The following MYOM3 variants were observed in gnomAD, a reference collection of about 807,000 sequenced individuals.
MYOM3 encodes the protein myomesin-3.
A neutral mutation model predicts 191.7 loss-of-function variants in MYOM3; 155 were observed. The ratio of observed to expected loss-of-function variants is 0.81; its 90% CI spans 0.71 to 0.92. The LOEUF (loss-of-function observed/expected upper bound fraction) is 0.92. Ranked by LOEUF, MYOM3 falls within the 40% of genes least tolerant of loss-of-function variation. MYOM3 has a pLI of 0.00. For synonymous variants in MYOM3, 757 were observed against 762.9 expected, an observed-to-expected ratio of 0.99 and a Z score of 0.13; for missense variants, 1,889 against 1,890.6, an observed-to-expected ratio of 1.00 and a Z score of 0.02.
chr1:24,089,237 G>C (rs1018799074), intron 14 of MYOM3, among the ~76,000 whole-genome samples: 9 of 152,302 alleles, frequency 5.9e-5, no homozygotes, highest in Admixed American at 2.0e-4. Context: ...TCTGGCTTGG[G>C]GGCAGGGAGG....
At position 24,086,679 on chromosome 1, in the gene MYOM3, T is replaced by C. The variant is rs539726840; in HGVS notation, c.1763A>G (p.Glu588Gly). The C allele has an allele frequency of 8.7e-6, 14 of 1,614,094 alleles. No individual in the cohort carries two copies. In the African/African-American group the frequency reaches 1.5e-4, roughly 17 times the overall value. The stretch of plus-strand genomic sequence containing the variant: ...CCGCAAGGCGATGGGTTCGCTGGGC[T>C]CCGAGGGATCGCTCAGGCCATACTG... ...MNQYGLSDPS[E>G]PSEPIALRGP... The change falls in exon 15 of 37, where the codon GAG becomes GGG. Residue 588 changes from glutamate to glycine, a missense_variant. Transcript: ENST00000374434.
chr1:24,068,447 T>TG, intron 25 of MYOM3, 80 bp from the exon 26 acceptor site: 1 of 1,554,738 alleles, frequency 6.4e-7, no homozygotes, highest in South Asian at 1.2e-5. Flanking sequence ...GTAGTGGGCT[T>TG]GGGGGTGGTA....
chr1:24,070,481 G>A (rs1003073011), intron 25 of MYOM3, among the ~76,000 whole-genome samples: 30 of 152,172 alleles, frequency 2.0e-4, no homozygotes, highest in African/African-American at 6.5e-4. Context: ...CCAACTACTC[G>A]GGAGGCTGAG....
chr1:24,063,112 C>A lies in MYOM3; in HGVS notation c.3770+14G>T. The A allele has an allele frequency of 1.3e-6, 2 of 1,583,372 alleles. No individual in the cohort carries two copies. Among genetic ancestry groups the A allele is most frequent in the Non-Finnish European group, 1.7e-6 (2 of 1,153,096 alleles). On this transcript the variant is annotated intron_variant, in intron 32 of 36. Coordinates refer to ENST00000374434, the MANE Select transcript of MYOM3 (RefSeq NM_152372.4). The surrounding 1 kb of genome is among the most constrained non-coding windows in gnomAD (Gnocchi z 4.5). ...TTCCAGCCTGGCTGGGGTTCTGGGG[C>A]AAGGCGGACTTACTTGTGGAACCAG...
At chr1:24,085,287 T>A (rs1643724909) in intron 15 of MYOM3, among the ~76,000 whole-genome samples, 1 of 124,194 alleles carries the variant, frequency 8.1e-6, no homozygotes, top group African/African-American at 5.5e-5. Flanking sequence ...GATAGATGGA[T>A]GGATGGATGG....
At chr1:24,059,623 T>G (rs78889152) in intron 35 of MYOM3, among the ~76,000 whole-genome samples, 4,477 of 152,324 alleles carry the variant, frequency 0.029, 90 homozygotes, top group Middle Eastern at 0.044. Flanking sequence ...AGACTTCAAC[T>G]GGCAAAATCC....
Position 24,084,314 on chromosome 1 carries a change from TAA to T in MYOM3, c.1970+152_1970+153del, listed in dbSNP as rs1380543237. 6.6e-6 allele frequency: 5 copies of T among 761,692 alleles called. No individual in the cohort carries two copies. In the African/African-American group the frequency reaches 8.8e-5, roughly 13 times the overall value. 47.2% of individuals were successfully genotyped at this position (761,692 alleles called of 1,614,324 possible). ...TCCCCCTCGCCTTCCGCCATAATCA[TAA>T]GTTTCCTGAGGCCTCCCCAGAAAAA... is the stretch of plus-strand genomic sequence containing the variant. On this transcript the variant is annotated intron_variant, in intron 16 of 36. Coordinates refer to ENST00000374434, the MANE Select transcript of MYOM3 (RefSeq NM_152372.4).
At chr1:24,110,359 CATGTGTGTGT>C (rs1644028271) in intron 1 of MYOM3, among the ~76,000 whole-genome samples, 3 of 151,740 alleles carry the variant, frequency 2.0e-5, no homozygotes, top group Non-Finnish European at 4.4e-5. Context: ...TGTGGGCGTG[CATGTGTGTGT>C]ATGTGTGTGT....
At chr1:24,068,512 C>T (rs535036388) in intron 25 of MYOM3, 145 bp from the exon 26 acceptor site, 56 of 892,548 alleles carry the variant, frequency 6.3e-5, no homozygotes, top group African/African-American at 4.8e-4. Context: ...TAACCCTCTG[C>T]TGCTCCCCCC....
rs780604403 is a variant in MYOM3 at position 24,057,453 on chromosome 1, C to T, written c.4225G>A (p.Val1409Ile). 18 of 1,614,110 alleles carry T rather than the reference C, an allele frequency of 1.1e-5. No homozygotes were observed. The highest frequency in any genetic ancestry group is 1.4e-5 in the Non-Finnish European group (16 of 1,180,056). The change falls in exon 37 of 37, where the codon GTC becomes ATC. Residue 1409 changes from valine (V) to isoleucine (I), a missense_variant. By Grantham distance (29) the Val-to-Ile change is conservative. Coordinates refer to ENST00000374434, the MANE Select transcript of MYOM3 (RefSeq NM_152372.4). ...SEDSGRYGVF[V>I]KNKYGSETGQ... ...GTCTCGGAGCCATACTTGTTCTTGACGAAGACGCCGTAGCGGCCGCTGTCT... is the reference window on the plus strand; with the variant it reads ...GTCTCGGAGCCATACTTGTTCTTGATGAAGACGCCGTAGCGGCCGCTGTCT...
chr1:24,110,808 C>T lies in MYOM3; in HGVS notation c.-19+1223G>A, dbSNP rs530937948. Reference sequence around the variant, plus strand: ...GAAGTGGCTAGCCCTGCTCATTCTGCTCTTTCTTCCTCATGGCCCAGGAGG... The same window carrying T: ...GAAGTGGCTAGCCCTGCTCATTCTGTTCTTTCTTCCTCATGGCCCAGGAGG... On this transcript the variant is annotated intron_variant, in intron 1 of 36. Coordinates refer to ENST00000374434, the MANE Select transcript of MYOM3 (RefSeq NM_152372.4). Among the ~76,000 whole-genome samples the T allele has an allele frequency of 2.6e-5, 4 of 152,326 alleles. No homozygotes were observed. The East Asian group carries it at 7.7e-4, about 29-fold the overall frequency.
At chr1:24,085,109 AATGG>A (rs56001006) in intron 15 of MYOM3, among the ~76,000 whole-genome samples, 156 of 148,032 alleles carry the variant, frequency 1.1e-3, no homozygotes, top group African/African-American at 3.4e-3. Flanking sequence ...TGGTTGGATG[AATGG>A]ATGGATGGAT....
chr1:24,076,159 C>A lies in MYOM3; in HGVS notation c.2701G>T (p.Gly901Cys), dbSNP rs1245659393. 6 of 1,613,542 alleles carry A rather than the reference C, an allele frequency of 3.7e-6. No homozygotes were observed. In the Admixed American group the frequency reaches 5.0e-5, roughly 13 times the overall value. The change falls in exon 21 of 37, where the codon GGT becomes TGT. Residue 901 changes from glycine to cysteine, a missense_variant and splice_region_variant. Coordinates refer to ENST00000374434, the MANE Select transcript of MYOM3 (RefSeq NM_152372.4). ...CTCTGGCCTCTCCGGCCACCCCTAC[C>A]TGGCTTGTCCTCCAGGAGCACGGGA... Reference protein sequence around the residue: ...TDPVLLEDKPGAHEIEVGVDE... With the variant: ...TDPVLLEDKPCAHEIEVGVDE...
At position 24,111,537 on chromosome 1, in the gene MYOM3, G is replaced by A. The variant is rs1259734153; in HGVS notation, c.-19+494C>T. Among the ~76,000 whole-genome samples the A allele has an allele frequency of 2.0e-5, 3 of 152,184 alleles. No homozygotes were observed. Among genetic ancestry groups the A allele is most frequent in the Non-Finnish European group, 4.4e-5 (3 of 68,040 alleles). On this transcript the variant is annotated intron_variant, in intron 1 of 36. Transcript: ENST00000374434. The surrounding 1 kb of genome is among the most constrained non-coding windows in gnomAD (Gnocchi z 4.7). ...CAACTCCTTTCCCGTCTGGGCCTCG[G>A]TTTCCTGTCAGGCACTGGATGAAAT...
rs767667181 is a variant in MYOM3 at position 24,105,956 on chromosome 1, C to A, written c.524G>T (p.Cys175Phe). ...VWEHTTVLLT[C>F]TVQASPPPQV... Reference sequence around the variant, plus strand: ...GGGTGGTGGTGAGGCCTGGACAGTGCAGGTCAGCAGGACCGTGGTGTGCTC... The same window carrying A: ...GGGTGGTGGTGAGGCCTGGACAGTGAAGGTCAGCAGGACCGTGGTGTGCTC... Residue 175 changes from cysteine to phenylalanine, a missense_variant, in exon 5 of 37, where the codon TGC becomes TTC. By Grantham distance (205) the Cys-to-Phe change is radical. Coordinates refer to ENST00000374434, the MANE Select transcript of MYOM3 (RefSeq NM_152372.4). 3.1e-6 allele frequency: 5 copies of A among 1,613,796 alleles called. No homozygotes were observed. Among genetic ancestry groups the A allele is most frequent in the Non-Finnish European group, 4.2e-6 (5 of 1,179,922 alleles).
chr1:24,057,353 G>A lies in MYOM3; in HGVS notation c.*11C>T, dbSNP rs565122525. On this transcript the variant is annotated 3_prime_UTR_variant, in exon 37 of 37. Transcript: ENST00000374434. ...GTAGACTAGACTCAGACTGTGCCTG[G>A]ACACACGCTGTCACATGCTCTTCAG... 1.9e-6 allele frequency: 3 copies of A among 1,610,316 alleles called. No individual in the cohort carries two copies. The highest frequency in any genetic ancestry group is 2.7e-5 in the African/African-American group (2 of 74,856).
intron 19 of MYOM3, among the ~76,000 whole-genome samples, chr1:24,080,771 T>C (rs1265140824): frequency 3.3e-5 from 5 of 152,218 alleles, no homozygotes; most frequent in African/African-American, 1.2e-4. Flanking sequence ...TATGTTTTAG[T>C]TATCTGCCAC....
At chr1:24,089,866 C>T (rs1260241341) in intron 13 of MYOM3, among the ~76,000 whole-genome samples, 199 bp downstream of exon 13, 1 of 152,140 alleles carries the variant, frequency 6.6e-6, no homozygotes, top group Non-Finnish European at 1.5e-5. Flanking sequence ...AGGACTTTTC[C>T]CAATGTGTTC....
intron 20 of MYOM3, among the ~76,000 whole-genome samples, chr1:24,079,079 A>G (rs1340699979): frequency 2.0e-5 from 3 of 152,208 alleles, no homozygotes; most frequent in Admixed American, 6.5e-5. Context: ...TCTATATTAT[A>G]TCTAACATGT....
Sources: gnomAD v4.1 joint callset for allele counts (sites outside exome capture counted in the v4.1 genomes callset) on GRCh38, gnomAD v4.1.1 for gene constraint, Gnocchi (gnomAD v3.1) non-coding constraint, MANE v1.5 for transcripts, NCBI Gene and HGNC (gene_info 2026-07-23, HGNC 2026-07-21) for gene names.